Variants in MTUS2 observed in about 807,000 individuals in gnomAD.
The protein encoded by MTUS2 is microtubule-associated tumor suppressor candidate 2.
A neutral mutation model predicts 114.1 loss-of-function variants in MTUS2; 40 were observed. The ratio of observed to expected loss-of-function variants is 0.35; its 90% CI spans 0.27 to 0.46. The LOEUF (loss-of-function observed/expected upper bound fraction) is 0.46. Ranked by LOEUF, MTUS2 falls within the 20% of genes least tolerant of loss-of-function variation. MTUS2 has a pLI of 1.00. For synonymous variants in MTUS2, 688 were observed against 672.0 expected (o/e 1.02, Z -0.37); for missense variants, 1,679 against 1,705.4 (o/e 0.98, Z 0.27).
intron 15 of MTUS2, among the ~76,000 whole-genome samples, chr13:29,501,696 C>T (rs1356822557): frequency 6.6e-6 from 1 of 152,220 alleles, no homozygotes; most frequent in Non-Finnish European, 1.5e-5. Context: ...CAGCTGCTCT[C>T]CCATGAGGGC....
rs545195077 is a variant in MTUS2, at chr13:29,345,920, T to C, written c.2906-13342T>C. Among the ~76,000 whole-genome samples the C allele has an allele frequency of 3.3e-5, 5 of 152,132 alleles. No homozygotes were observed. In the South Asian group the frequency reaches 8.3e-4, roughly 25 times the overall value. ...GAGAGCCGAACTGTAGTTATTGTTA[T>C]ATTTTTTCTGGGTCTAGCCACCTAG... On this transcript the variant is annotated intron_variant, in intron 7 of 15. Coordinates refer to ENST00000612955, the MANE Select transcript of MTUS2 (RefSeq NM_001033602.4).
At chr13:28,859,927 T>G (rs1054763686) in intron 2 of MTUS2, among the ~76,000 whole-genome samples, 1 of 152,184 alleles carries the variant, frequency 6.6e-6, no homozygotes, top group South Asian at 2.1e-4. Flanking sequence ...TTAATCTTAC[T>G]GATCAGTACA....
At chr13:29,237,239 C>T (rs1020492554) in intron 5 of MTUS2, among the ~76,000 whole-genome samples, 1 of 152,192 alleles carries the variant, frequency 6.6e-6, no homozygotes, top group East Asian at 1.9e-4. Flanking sequence ...CTTTCCAGGA[C>T]ACTCCTGTGT....
chr13:29,292,499 G>A (rs1428542669), intron 6 of MTUS2, among the ~76,000 whole-genome samples: 1 of 152,164 alleles, frequency 6.6e-6, no homozygotes, highest in East Asian at 1.9e-4. Flanking sequence ...GGACTTGTAA[G>A]TAACTACACG....
chr13:29,159,780 C>T (rs764510100), intron 5 of MTUS2, among the ~76,000 whole-genome samples: 7 of 152,046 alleles, frequency 4.6e-5, no homozygotes, highest in Non-Finnish European at 1.0e-4. Context: ...CAAATTAAAA[C>T]AACAATGTGA....
At chr13:29,495,403 A>G (rs925929907) in intron 12 of MTUS2, among the ~76,000 whole-genome samples, 2 of 151,382 alleles carry the variant, frequency 1.3e-5, no homozygotes, top group Non-Finnish European at 2.9e-5. Flanking sequence ...AAAAGAGAAC[A>G]AAAAAGAGGA....
intron 2 of MTUS2, among the ~76,000 whole-genome samples, chr13:28,853,416 T>TG (rs1317918375): frequency 8.8e-6 from 1 of 113,508 alleles, no homozygotes; most frequent in African/African-American, 2.6e-5. Context: ...AAAATTCTGC[T>TG]GGGGGTGGCT....
At chr13:28,956,243 C>A (rs1028639991) in intron 2 of MTUS2, among the ~76,000 whole-genome samples, 1 of 152,144 alleles carries the variant, frequency 6.6e-6, no homozygotes, top group South Asian at 2.1e-4. Context: ...GATTCAGTCA[C>A]AAGATCATTT....
chr13:29,144,631 C>A (rs1892357870), intron 5 of MTUS2, among the ~76,000 whole-genome samples: 1 of 152,154 alleles, frequency 6.6e-6, no homozygotes, highest in Admixed American at 6.5e-5. Flanking sequence ...ATCTGGAGGT[C>A]ACCCTCAGTT....
intron 2 of MTUS2, among the ~76,000 whole-genome samples, chr13:28,986,246 A>G (rs1570308): frequency 0.99 from 150,498 of 152,156 alleles, 74,450 homozygotes; most frequent in Middle Eastern, 1. Context: ...GGGCCTATGG[A>G]GATCCATATG....
At chr13:28,842,967 G>A (rs1464465910) in intron 2 of MTUS2, among the ~76,000 whole-genome samples, 5 of 152,198 alleles carry the variant, frequency 3.3e-5, no homozygotes, top group Admixed American at 1.3e-4. Flanking sequence ...TCTGAGAGGT[G>A]AAGGATGGAG....
At chr13:29,351,201 T>G (rs527488386) in intron 7 of MTUS2, among the ~76,000 whole-genome samples, 5 of 152,186 alleles carry the variant, frequency 3.3e-5, no homozygotes, top group African/African-American at 7.2e-5. Context: ...TGATGATGCT[T>G]CTTTTTTCAG....
At chr13:29,229,829 G>A (rs112565888) in intron 5 of MTUS2, among the ~76,000 whole-genome samples, 10 of 152,254 alleles carry the variant, frequency 6.6e-5, no homozygotes, top group African/African-American at 2.2e-4. Context: ...TATCTGGCCA[G>A]TGATTTGCTC....
In MTUS2 at chr13:29,030,311, C is replaced by T. The variant is rs528766297; in HGVS notation, c.2205+3408C>T. On this transcript the variant is annotated intron_variant, in intron 3 of 15. Coordinates refer to ENST00000612955, the MANE Select transcript of MTUS2 (RefSeq NM_001033602.4). ...TGGTGTGGAGAGAGCATCATGGCCT[C>T]GCACCTCGAGCATCCCAAAGTCTTC... is the stretch of plus-strand genomic sequence containing the variant. Among the ~76,000 whole-genome samples the T allele has an allele frequency of 9.9e-5, 15 of 152,244 alleles. No homozygotes were observed. The East Asian group carries it at 1.9e-3, about 20-fold the overall frequency.
intron 3 of MTUS2, 27 bp from the exon 4 acceptor site, chr13:29,033,858 G>A: frequency 1.9e-6 from 3 of 1,612,840 alleles, no homozygotes; most frequent in Non-Finnish European, 2.5e-6. Flanking sequence ...GAAGGTCTCT[G>A]ATTGAGTTTT....
At chr13:29,263,046 G>A (rs760785275) in intron 5 of MTUS2, among the ~76,000 whole-genome samples, 23 of 152,122 alleles carry the variant, frequency 1.5e-4, no homozygotes, top group Non-Finnish European at 2.6e-4. Flanking sequence ...TAACAAAAGA[G>A]GATTAATTTG....
At chr13:29,370,775 G>A (rs1305813581) in intron 8 of MTUS2, among the ~76,000 whole-genome samples, 1 of 152,086 alleles carries the variant, frequency 6.6e-6, no homozygotes, top group Non-Finnish European at 1.5e-5. Flanking sequence ...ATTATATATT[G>A]TCCACCAAAA....
chr13:28,983,090 CTAA>C, intron 2 of MTUS2, among the ~76,000 whole-genome samples: 1 of 152,258 alleles, frequency 6.6e-6, no homozygotes, highest in South Asian at 2.1e-4. Context: ...GGGGTGTGAG[CTAA>C]AGCCAGCAGG....
chr13:28,961,566 C>A (rs533947278), intron 2 of MTUS2, among the ~76,000 whole-genome samples: 3 of 152,040 alleles, frequency 2.0e-5, no homozygotes, highest in Non-Finnish European at 4.4e-5. Flanking sequence ...AATGATAAAA[C>A]CTCTGATTAT....
Sources: gnomAD v4.1 joint callset for allele counts (sites outside exome capture counted in the v4.1 genomes callset) on GRCh38, gnomAD v4.1.1 for gene constraint, MANE v1.5 for transcripts, NCBI Gene and HGNC (gene_info 2026-07-23, HGNC 2026-07-21) for gene names.